Variants in ADH1B observed in about 807,000 individuals in gnomAD.
ADH1B encodes all-trans-retinol dehydrogenase [NAD(+)] ADH1B.
ADH1B carries 29 observed loss-of-function variants against 34.6 expected under a neutral mutation model. The observed-to-expected ratio is 0.84, with a 90% CI of 0.62 to 1.14. The LOEUF is 1.14. Ranked by LOEUF, ADH1B falls within the 50% of genes most tolerant of loss-of-function variation. ADH1B has a pLI of 0.00. For synonymous variants in ADH1B, 170 were observed against 175.5 expected, an observed-to-expected ratio of 0.97 and a Z score of 0.25; for missense variants, 424 against 468.4, an observed-to-expected ratio of 0.91 and a Z score of 0.87.
intron 3 of ADH1B, chr4:99,317,149 G>A (rs1733906187): frequency 6.6e-6 from 1 of 151,974 alleles, no homozygotes; most frequent in Non-Finnish European, 1.5e-5. Context: ...ATTTGGTAAG[G>A]GGGCAGGGTG....
In ADH1B at chr4:99,321,364, T is replaced by C. The variant is rs763774479; in HGVS notation, c.-33A>G. On this transcript the variant is annotated 5_prime_UTR_variant, in exon 1 of 9. Coordinates refer to ENST00000305046, the MANE Select transcript of ADH1B (RefSeq NM_000668.6). ...CTGTCTTCTCTGCCCACCAGCAGAC[T>C]GTGAGTCTTTGTGGATTTCTTCTCT... 1.2e-6 allele frequency: 2 copies of C among 1,604,196 alleles called. No homozygotes were observed. Among genetic ancestry groups the C allele is most frequent in the Admixed American group, 3.3e-5 (2 of 59,716 alleles).
At chr4:99,315,766 G>A (rs1423299285) in intron 5 of ADH1B, 132 bp downstream of exon 5, 1 of 1,103,528 alleles carries the variant, frequency 9.1e-7, no homozygotes, top group Admixed American at 2.4e-5. Context: ...AATTCTTTCT[G>A]GGCCATTTTT....
Position 99,305,597 on chromosome 4 carries a change from A to G in ADH1B, c.*2243T>C, listed in dbSNP as rs1337636311. On this transcript the variant is annotated 3_prime_UTR_variant, in exon 9 of 9. Transcript: ENST00000305046. ...TATATATATATATATATATATATATATATATATATATACAATCACTTAACT... is the reference window on the plus strand; with the variant it reads ...TATATATATATATATATATATATATGTATATATATATACAATCACTTAACT... 179 of 125,688 alleles carry G rather than the reference A, an allele frequency of 1.4e-3. 6 individuals carry two copies. Among genetic ancestry groups the G allele is most frequent in the African/African-American group, 5.1e-3 (174 of 34,072 alleles). 7.8% of individuals were successfully genotyped at this position (125,688 alleles called of 1,614,324 possible).
intron 2 of ADH1B, 72 bp from the exon 3 acceptor site, chr4:99,318,256 C>G: frequency 6.3e-7 from 1 of 1,577,986 alleles, no homozygotes; most frequent in Non-Finnish European, 8.7e-7. Flanking sequence ...ACCCAAATTC[C>G]TGAAATTGTG....
chr4:99,316,098 TC>T lies in ADH1B; in HGVS notation c.366del (p.Thr123ProfsTer133). ...AACCTCCTGGTGCCATCCTGCAGGG[TC>T]CCCCGAGGATTGCCTAGACTGGGCA... The part of the protein sequence containing the change: ...CLKNDLGNPR[G>X]TLQDGTRRFT... On this transcript the variant is annotated frameshift_variant, in exon 5 of 9. Coordinates refer to ENST00000305046, the MANE Select transcript of ADH1B (RefSeq NM_000668.6). LOFTEE classifies it high-confidence loss of function. 6.2e-7 allele frequency: 1 copy of T among 1,613,974 alleles called. No homozygotes were observed. Among genetic ancestry groups the T allele is most frequent in the Admixed American group, 1.7e-5 (1 of 59,998 alleles).
chr4:99,314,076 G>A lies in ADH1B; in HGVS notation c.573C>T (p.Thr191=). The A allele has an allele frequency of 6.2e-7, 1 of 1,612,882 alleles. No homozygotes were observed. The highest frequency in any genetic ancestry group is 8.5e-7 in the Non-Finnish European group (1 of 1,179,408). Residue 191 remains threonine, a synonymous_variant, in exon 6 of 9, where the codon ACC becomes ACT. Transcript: ENST00000305046. The part of the protein sequence containing the change: ...YGSAVNVAKV[T]PGSTCAVFGL... ...CAAACACAGCACAGGTAGAGCCTGG[G>A]GTGACCTGTGTTTTCAGAAAATGCA... is the stretch of plus-strand genomic sequence containing the variant.
Position 99,316,269 on chromosome 4 carries a change from C to T in ADH1B, c.293G>A (p.Cys98Tyr), listed in dbSNP as rs760362364. The T allele has an allele frequency of 1.2e-5, 20 of 1,614,064 alleles. No homozygotes were observed. In the South Asian group the frequency reaches 2.2e-4, roughly 18 times the overall value. ...GTTTTTACAAACTCTGCATTTTCCA[C>T]ACTGAGGAGTAAAGAGCGGGATGAC... Reference protein sequence around the residue: ...DKVIPLFTPQCGKCRVCKNPE... With the variant: ...DKVIPLFTPQYGKCRVCKNPE... The change falls in exon 4 of 9, where the codon TGT (cysteine) becomes TAT (tyrosine). Residue 98 changes from cysteine to tyrosine, a missense_variant. Cys to Tyr is a radical substitution (Grantham distance 194). Coordinates refer to ENST00000305046, the MANE Select transcript of ADH1B (RefSeq NM_000668.6).
chr4:99,318,552 T>C (rs908975721), intron 2 of ADH1B: 2 of 523,046 alleles, frequency 3.8e-6, no homozygotes, highest in Non-Finnish European at 6.4e-6. Flanking sequence ...AATTTTTTTC[T>C]GTACAAACAT....
Position 99,307,328 on chromosome 4 carries a change from A to T in ADH1B, c.*512T>A, listed in dbSNP as rs748413875. The T allele has an allele frequency of 3.8e-5, 6 of 158,320 alleles. No homozygotes were observed. Among genetic ancestry groups the T allele is most frequent in the Non-Finnish European group, 6.9e-5 (5 of 72,594 alleles). 9.8% of individuals were successfully genotyped at this position (158,320 alleles called of 1,614,324 possible). A position where few individuals can be genotyped will look rare whatever the true frequency, so the allele number is the denominator to read the frequency against. ...AACTCTTGGACCTTCACTACTTGTA[A>T]ATGTGAGTCTATCCTTTACCTTACC... On this transcript the variant is annotated 3_prime_UTR_variant, in exon 9 of 9. Transcript: ENST00000305046.
At chr4:99,319,004 T>C (rs771980997) in intron 1 of ADH1B, 118 bp from the exon 2 acceptor site, 1 of 1,082,616 alleles carries the variant, frequency 9.2e-7, no homozygotes, top group South Asian at 1.2e-5. Context: ...TAACAAGTGC[T>C]CCATGGAAAT....
In ADH1B at chr4:99,318,776, A is replaced by C. The variant is rs747473547; in HGVS notation, c.120+9T>G. 1.9e-6 allele frequency: 3 copies of C among 1,597,280 alleles called. No individual in the cohort carries two copies. In the South Asian group the frequency reaches 3.4e-5, roughly 18 times the overall value. On this transcript the variant is annotated intron_variant, in intron 2 of 8. Coordinates refer to ENST00000305046, the MANE Select transcript of ADH1B (RefSeq NM_000668.6). ...TGTAAAATGAAATATAAATGGAAAA[A>C]TATTTCACCTTAATGCGAACTTCAT...
chr4:99,320,965 T>C (rs1042034386), intron 1 of ADH1B: 2 of 1,177,688 alleles, frequency 1.7e-6, no homozygotes, highest in African/African-American at 1.6e-5. Context: ...TGAATTATGG[T>C]TTCTTATTAT....
chr4:99,319,406 C>T (rs1384252352), intron 1 of ADH1B: 2 of 159,092 alleles, frequency 1.3e-5, no homozygotes, highest in Admixed American at 6.2e-5. Flanking sequence ...GCTTATTGTC[C>T]TCTTTTAATT....
At position 99,311,603 on chromosome 4, in the gene ADH1B, C is replaced by G. The variant is rs1379998411; in HGVS notation, c.882G>C (p.Gly294=). 6.2e-7 allele frequency: 1 copy of G among 1,613,890 alleles called. No individual in the cohort carries two copies. The highest frequency in any genetic ancestry group is 1.3e-5 in the African/African-American group (1 of 74,884). ...AGAGGTTCTGGGAAGCAGGAGGTAC[C>G]CCTACGATGACGCTTGTGCCACATG... The part of the protein sequence containing the change: ...HEACGTSVIV[G]VPPASQNLSI... The change falls in exon 7 of 9, where the codon GGG becomes GGC. Residue 294 remains glycine, a synonymous_variant. Coordinates refer to ENST00000305046, the MANE Select transcript of ADH1B (RefSeq NM_000668.6).
In ADH1B at chr4:99,307,779, T is replaced by G; in HGVS notation, c.*61A>C. The G allele has an allele frequency of 6.3e-7, 1 of 1,578,764 alleles. No homozygotes were observed. ...ATTAATGATATTTCCTAGCTGTTGC[T>G]CCAGATCTTGTAGGGTAGAGGAGGC... On this transcript the variant is annotated 3_prime_UTR_variant, in exon 9 of 9. Transcript: ENST00000305046.
At chr4:99,307,929 C>T in intron 8 of ADH1B, 65 bp from the exon 9 acceptor site, 2 of 1,602,288 alleles carry the variant, frequency 1.2e-6, no homozygotes, top group Non-Finnish European at 1.7e-6. Flanking sequence ...TTGTGAGAGT[C>T]CAAGGAGCAT....
intron 2 of ADH1B, chr4:99,318,450 A>G: frequency 1.9e-6 from 1 of 528,108 alleles, no homozygotes; most frequent in Non-Finnish European, 3.2e-6. Context: ...GTAAGAATGC[A>G]CGCTTTAAAA....
At chr4:99,315,180 T>G (rs137865143) in intron 5 of ADH1B, 2 of 152,464 alleles carry the variant, frequency 1.3e-5, no homozygotes, top group African/African-American at 4.8e-5. Context: ...GTCTCAGCAC[T>G]GAGGCTTTGG....
intron 5 of ADH1B, chr4:99,314,442 C>A: frequency 8.0e-6 from 2 of 251,288 alleles, no homozygotes; most frequent in Non-Finnish European, 1.5e-5. Context: ...CTTTGAGATC[C>A]AGATGGCAGT....
Sources: allele counts gnomAD v4.1 joint callset, GRCh38; gene constraint gnomAD v4.1.1; transcripts MANE v1.5; gene names NCBI Gene and HGNC (gene_info 2026-07-23, HGNC 2026-07-21).